EZR: variants seen among roughly 807,000 people sequenced by gnomAD.
EZR encodes the protein cytovillin 2.
Under a neutral mutation model 74.8 loss-of-function variants are expected in EZR, and 40 were observed. The ratio of observed to expected loss-of-function variants is 0.53; its 90% CI spans 0.42 to 0.70. The LOEUF (loss-of-function observed/expected upper bound fraction) is 0.70. EZR is among the 30% of genes least tolerant of loss of function. The pLI is 0.00. For synonymous variants in EZR, 341 were observed against 283.3 expected (o/e 1.20, Z -2.05); for missense variants, 678 against 755.8 (o/e 0.90, Z 1.21).
At chr6:158,806,170 C>T (rs969677053) in intron 2 of EZR, among the ~76,000 whole-genome samples, 1 of 152,132 alleles carries the variant, frequency 6.6e-6, no homozygotes, top group African/African-American at 2.4e-5. Context: ...TGAGATGGCC[C>T]GGGTGGGGCC....
In EZR at chr6:158,776,426, G is replaced by A. The variant is rs747539188; in HGVS notation, c.777C>T (p.Pro259=). 2.5e-6 allele frequency: 4 copies of A among 1,613,668 alleles called. No homozygotes were observed. The highest frequency in any genetic ancestry group is 4.5e-5 in the East Asian group (2 of 44,884). Residue 259 remains proline (P), a synonymous_variant, in exon 8 of 14, where the codon CCC becomes CCT. Transcript: ENST00000367075. ...SFNDKKFVIK[P]IDKKAPDFVF... ...AACTTACAGGTGCCTTCTTGTCGAT[G>A]GGTTTAATGACAAACTTTTTGTCAT...
At chr6:158,768,346 C>T (rs990129106) in intron 12 of EZR, among the ~76,000 whole-genome samples, 1 of 151,876 alleles carries the variant, frequency 6.6e-6, no homozygotes, top group African/African-American at 2.4e-5. Context: ...GTCAATTAAA[C>T]CTCTTTTCTT....
chr6:158,770,684 AGTGG>A (rs1378036883), intron 10 of EZR, 76 bp downstream of exon 10: 45 of 1,477,322 alleles, frequency 3.0e-5, no homozygotes, highest in Middle Eastern at 2.1e-4. Context: ...CTTCCTGGTG[AGTGG>A]GTGGGTGGGT....
chr6:158,795,040 C>G (rs1218656588), intron 2 of EZR, among the ~76,000 whole-genome samples: 1 of 151,894 alleles, frequency 6.6e-6, no homozygotes, highest in Admixed American at 6.6e-5. Context: ...CACTTGATGT[C>G]AGGAGTTCAA....
At chr6:158,805,880 A>G (rs956507126) in intron 2 of EZR, among the ~76,000 whole-genome samples, 4 of 152,122 alleles carry the variant, frequency 2.6e-5, no homozygotes, top group Non-Finnish European at 5.9e-5. Context: ...CCCTGCCCAC[A>G]GCCCCAGTAT....
chr6:158,791,286 T>G (rs1188711291), intron 2 of EZR, among the ~76,000 whole-genome samples: 1 of 152,254 alleles, frequency 6.6e-6, no homozygotes, highest in Non-Finnish European at 1.5e-5. Flanking sequence ...CAACGAGACA[T>G]GTTTTAAAGT....
Position 158,771,161 on chromosome 6 carries a change from CCA to C in EZR, c.959+81_959+82del, listed in dbSNP as rs375483483. 1.5e-5 allele frequency: 23 copies of C among 1,500,186 alleles called. No individual in the cohort carries two copies. In the South Asian group the frequency reaches 2.1e-4, roughly 14 times the overall value. The allele number at this position is 1,500,186 out of a possible 1,614,324, so 92.9% of individuals were successfully genotyped here. Reference sequence around the variant, plus strand: ...TTCCACCACACTCTCCCCATCAGCTCCACAGTCACCTGACAGGCACTGGCTGC... The same window carrying C: ...TTCCACCACACTCTCCCCATCAGCTCCAGTCACCTGACAGGCACTGGCTGC... On this transcript the variant is annotated intron_variant, in intron 9 of 13. Coordinates refer to ENST00000367075, the MANE Select transcript of EZR (RefSeq NM_001111077.2).
chr6:158,789,549 A>C (rs775141270), intron 2 of EZR, 178 bp from the exon 3 acceptor site: 5 of 750,642 alleles, frequency 6.7e-6, no homozygotes, highest in Non-Finnish European at 9.8e-6. Flanking sequence ...GGGATGTCTC[A>C]GGAGGCACAC....
At chr6:158,785,229 C>T (rs1791543025) in intron 5 of EZR, 80 bp downstream of exon 5, 1 of 1,553,010 alleles carries the variant, frequency 6.4e-7, no homozygotes, top group Non-Finnish European at 8.8e-7. Flanking sequence ...TGTTTTTAAA[C>T]TGTGCTTCTA....
At chr6:158,806,114 T>G (rs1011154291) in intron 2 of EZR, among the ~76,000 whole-genome samples, 3 of 152,246 alleles carry the variant, frequency 2.0e-5, no homozygotes, top group Non-Finnish European at 1.5e-5. Flanking sequence ...CCAAGTCAGC[T>G]GCAATTTTGA....
chr6:158,781,681 A>G (rs970489386), intron 7 of EZR, among the ~76,000 whole-genome samples: 2 of 152,164 alleles, frequency 1.3e-5, no homozygotes, highest in African/African-American at 4.8e-5. Flanking sequence ...GCTCCTTGGC[A>G]TGGCTGTCTT....
At chr6:158,775,317 C>T (rs754731788) in intron 8 of EZR, among the ~76,000 whole-genome samples, 18 of 152,150 alleles carry the variant, frequency 1.2e-4, no homozygotes, top group Admixed American at 4.6e-4. Context: ...CAGGCGTGAG[C>T]CACTGAGCCT....
At chr6:158,818,192 G>T in intron 1 of EZR, 26 bp from the exon 2 acceptor site, 1 of 1,329,412 alleles carries the variant, frequency 7.5e-7, no homozygotes, top group Non-Finnish European at 1.0e-6. Context: ...AACCCTTAGA[G>T]CGCCCGCCCG....
chr6:158,803,328 G>A lies in EZR; in HGVS notation c.13-13957C>T, dbSNP rs1000040015. Among the ~76,000 whole-genome samples, 9 of 151,108 alleles carry A rather than the reference G, an allele frequency of 6.0e-5. No individual in the cohort carries two copies. In the South Asian group the frequency reaches 1.5e-3, roughly 25 times the overall value. ...AATGAGTACTCGATACGAGGTATAC[G>A]GTTATCCTCGTCTGATGACCTTTTT... On this transcript the variant is annotated intron_variant, in intron 2 of 13. Coordinates refer to ENST00000367075, the MANE Select transcript of EZR (RefSeq NM_001111077.2).
At chr6:158,804,261 C>T (rs1296419498) in intron 2 of EZR, among the ~76,000 whole-genome samples, 1 of 152,112 alleles carries the variant, frequency 6.6e-6, no homozygotes, top group Admixed American at 6.6e-5. Context: ...AATTCTTAGA[C>T]ACCACTTTCC....
At chr6:158,776,793 A>G (rs1345781929) in intron 7 of EZR, among the ~76,000 whole-genome samples, 1 of 152,036 alleles carries the variant, frequency 6.6e-6, no homozygotes, top group Non-Finnish European at 1.5e-5. Flanking sequence ...GGTCAACTGA[A>G]ATTCCTACCC....
In EZR at chr6:158,767,401, G is replaced by C. The variant is rs747635983; in HGVS notation, c.1456C>G (p.Gln486Glu). 8.7e-6 allele frequency: 14 copies of C among 1,613,886 alleles called. No homozygotes were observed. The highest frequency in any genetic ancestry group is 1.2e-5 in the Non-Finnish European group (14 of 1,179,958). ...GCGCCCTCATCCTGCAAGCTCTCCT[G>C]GACATGGTAGCTCACCGGCTCGTAC... ...PVYEPVSYHVQESLQDEGAEP... is the reference protein window; with the variant it reads ...PVYEPVSYHVEESLQDEGAEP... The change falls in exon 13 of 14, where the codon CAG (glutamine) becomes GAG (glutamate). Residue 486 changes from glutamine to glutamate, a missense_variant. By Grantham distance (29) the Gln-to-Glu change is conservative. Transcript: ENST00000367075.
intron 2 of EZR, among the ~76,000 whole-genome samples, chr6:158,816,425 G>GTGCTATC (rs1285495359): frequency 6.6e-6 from 1 of 152,168 alleles, no homozygotes; most frequent in African/African-American, 2.4e-5. Flanking sequence ...TTTTTCCTGA[G>GTGCTATC]TGCTATCTTA....
chr6:158,802,733 TGTTAA>T (rs947242108), intron 2 of EZR, among the ~76,000 whole-genome samples: 78 of 107,300 alleles, frequency 7.3e-4, no homozygotes, highest in African/African-American at 2.4e-3. Flanking sequence ...GGTTTCACCA[TGTTAA>T]GTTAGATGGT....
Sources: allele counts gnomAD v4.1 joint callset (sites outside exome capture counted in the v4.1 genomes callset), GRCh38; gene constraint gnomAD v4.1.1; transcripts MANE v1.5; gene names NCBI Gene and HGNC (gene_info 2026-07-23, HGNC 2026-07-21).